The following C8B variants were observed in gnomAD, a reference collection of about 807,000 sequenced individuals.
C8B encodes the protein complement C8 beta chain, also known as complement component C8 beta chain.
A neutral mutation model predicts 64.6 loss-of-function variants in C8B; 67 were observed. The ratio of observed to expected loss-of-function variants is 1.04; its 90% CI spans 0.85 to 1.27. The LOEUF (loss-of-function observed/expected upper bound fraction) is 1.27, where lower values mean the gene tolerates loss of function less well. Ranked by LOEUF, C8B falls within the 50% of genes most tolerant of loss-of-function variation. C8B has a pLI of 0.00. For missense variants in C8B, 790 were observed against 725.2 expected, an observed-to-expected ratio of 1.09 and a Z score of -1.03; for synonymous variants, 284 against 257.7, an observed-to-expected ratio of 1.10 and a Z score of -0.98.
chr1:56,930,294 T>A (rs1180320613), intron 11 of C8B, among the ~76,000 whole-genome samples: 1 of 152,208 alleles, frequency 6.6e-6, no homozygotes, highest in Non-Finnish European at 1.5e-5. Flanking sequence ...CACTTGAGGA[T>A]TTTTGATTGT....
At chr1:56,960,229 A>G (rs1462828758) in intron 1 of C8B, 53 bp from the exon 2 acceptor site, 7 of 1,490,358 alleles carry the variant, frequency 4.7e-6, no homozygotes, top group African/African-American at 1.4e-5. Flanking sequence ...AATTAAGTAT[A>G]CATCCAACCA....
intron 5 of C8B, among the ~76,000 whole-genome samples, chr1:56,950,649 G>T (rs1201811169): frequency 6.6e-6 from 1 of 152,184 alleles, no homozygotes; most frequent in African/African-American, 2.4e-5. Flanking sequence ...CTACAGCATG[G>T]CCACTGAGAT....
chr1:56,940,984 C>T lies in C8B; in HGVS notation c.1263G>A (p.Glu421=), dbSNP rs761722392. The T allele has an allele frequency of 1.9e-6, 3 of 1,614,196 alleles. No homozygotes were observed. The highest frequency in any genetic ancestry group is 2.7e-5 in the African/African-American group (2 of 75,058). ...KDRNKRDTMV[E]DLVVLVRGGA... Reference sequence around the variant, plus strand: ...CTCCTCGTACCAGGACCACCAAGTCCTCCACCATGGTGTCCCTCTTGTTTC... The same window carrying T: ...CTCCTCGTACCAGGACCACCAAGTCTTCCACCATGGTGTCCCTCTTGTTTC... Residue 421 remains glutamate, a synonymous_variant, in exon 9 of 12, where the codon GAG becomes GAA. Transcript: ENST00000371237.
intron 6 of C8B, 33 bp downstream of exon 6, chr1:56,949,522 A>G (rs1230479127): frequency 6.4e-7 from 1 of 1,557,984 alleles, no homozygotes. Flanking sequence ...GTAAGACAAC[A>G]TATACGTTTA....
intron 2 of C8B, chr1:56,959,670 G>A: frequency 1.3e-6 from 2 of 1,500,382 alleles, no homozygotes; most frequent in Non-Finnish European, 1.8e-6. Flanking sequence ...AAGGGTCATG[G>A]GTAGACTGTG....
At position 56,940,925 on chromosome 1, in the gene C8B, T is replaced by C. The variant is rs766613171; in HGVS notation, c.1322A>G (p.Gln441Arg). ...CATCAGGTCCGCCGTCGGCAGCTCC[T>C]GGTATGCCAGGGTGGTGATGTGCTC... is the stretch of plus-strand genomic sequence containing the variant. ...ASEHITTLAY[Q>R]ELPTADLMQE... is the part of the protein sequence containing the mutation. Residue 441 changes from glutamine (Q) to arginine (R), a missense_variant, in exon 9 of 12, where the codon CAG (glutamine) becomes CGG (arginine). Gln to Arg is a conservative substitution (Grantham distance 43). Transcript: ENST00000371237. 10 of 1,614,150 alleles carry C rather than the reference T, an allele frequency of 6.2e-6. No individual in the cohort carries two copies. The highest frequency in any genetic ancestry group is 1.7e-4 in the Middle Eastern group (1 of 6,060).
chr1:56,959,961 A>G, intron 2 of C8B, 59 bp downstream of exon 2: 1 of 1,600,586 alleles, frequency 6.2e-7, no homozygotes, highest in Middle Eastern at 1.7e-4. Flanking sequence ...GGCTCAGCCG[A>G]TCTTGCTGGG....
rs1570413892 is a variant in C8B, at chr1:56,965,931, T to C, written c.18A>G (p.Thr6=). MKNSR[T]WAWRAPVELF... ...GCTCCACCGGCGCCCTCCAAGCCCATGTCCTGGAATTCTTCATTTTCCCAA... is the reference window on the plus strand; with the variant it reads ...GCTCCACCGGCGCCCTCCAAGCCCACGTCCTGGAATTCTTCATTTTCCCAA... The change falls in exon 1 of 12, where the codon ACA becomes ACG. Residue 6 remains threonine (T), a synonymous_variant. Transcript: ENST00000371237. 3 of 1,613,808 alleles carry C rather than the reference T, an allele frequency of 1.9e-6. No homozygotes were observed. The highest frequency in any genetic ancestry group is 4.5e-5 in the East Asian group (2 of 44,844).
intron 7 of C8B, 45 bp from the exon 8 acceptor site, chr1:56,943,869 A>G: frequency 6.2e-7 from 1 of 1,609,382 alleles, no homozygotes; most frequent in Non-Finnish European, 8.5e-7. Context: ...AAGGTAGTTC[A>G]CTCTGTCCCT....
Position 56,945,845 on chromosome 1 carries a change from T to C in C8B, c.1081A>G (p.Asn361Asp). Residue 361 changes from asparagine (N) to aspartate (D), a missense_variant, in exon 7 of 12, where the codon AAC becomes GAC. Coordinates refer to ENST00000371237, the MANE Select transcript of C8B (RefSeq NM_000066.4). ...CCTCCTCTCTCCATGGCCTCTTTGT[T>C]CATAACGAGGGTGTATTCATAAATG... ...GGIYEYTLVM[N>D]KEAMERGDYT... is the part of the protein sequence containing the mutation. 1.2e-6 allele frequency: 2 copies of C among 1,614,098 alleles called. No homozygotes were observed. Among genetic ancestry groups the C allele is most frequent in the South Asian group, 2.2e-5 (2 of 91,068 alleles).
rs571692852 is a variant in C8B, at chr1:56,961,094, T to C, written c.93-918A>G. On this transcript the variant is annotated intron_variant, in intron 1 of 11. Coordinates refer to ENST00000371237, the MANE Select transcript of C8B (RefSeq NM_000066.4). ...AAGGCAATGCTTTTGGTTCATTTCC[T>C]GGAGCACATTGGGTTATGAGTGGAT... is the stretch of plus-strand genomic sequence containing the variant. 3.2e-4 allele frequency among the ~76,000 whole-genome samples: 49 copies of C among 152,328 alleles called. 1 individual carries two copies. In the South Asian group the frequency reaches 4.3e-3, roughly 14 times the overall value.
intron 2 of C8B, among the ~76,000 whole-genome samples, chr1:56,957,540 G>A (rs930695292): frequency 9.9e-5 from 15 of 152,156 alleles, no homozygotes; most frequent in Non-Finnish European, 1.8e-4. Context: ...ATCTCATTAT[G>A]TTGTTGGATG....
In C8B at chr1:56,945,893, T is replaced by G; in HGVS notation, c.1033A>C (p.Ile345Leu). The G allele has an allele frequency of 6.2e-7, 1 of 1,614,104 alleles. No individual in the cohort carries two copies. Among genetic ancestry groups the G allele is most frequent in the Non-Finnish European group, 8.5e-7 (1 of 1,180,014 alleles). Residue 345 changes from isoleucine to leucine, a missense_variant, in exon 7 of 12, where the codon ATC becomes CTC. Ile to Leu is a conservative substitution (Grantham distance 5). Coordinates refer to ENST00000371237, the MANE Select transcript of C8B (RefSeq NM_000066.4). ...DLFRDFGTHYITEAVLGGIYE... is the reference protein window; with the variant it reads ...DLFRDFGTHYLTEAVLGGIYE... ...ATGCCCCCAAGCACAGCCTCTGTGATGTAGTGGGTCCCAAAATCACGGAAG... is the reference window on the plus strand; with the variant it reads ...ATGCCCCCAAGCACAGCCTCTGTGAGGTAGTGGGTCCCAAAATCACGGAAG...
At position 56,965,875 on chromosome 1, in the gene C8B, A is replaced by G; in HGVS notation, c.74T>C (p.Leu25Pro). 1 of 1,614,108 alleles carries G rather than the reference A, an allele frequency of 6.2e-7. No homozygotes were observed. The highest frequency in any genetic ancestry group is 1.7e-4 in the Middle Eastern group (1 of 6,058). The change falls in exon 1 of 12, where the codon CTC becomes CCC. Residue 25 changes from leucine to proline, a missense_variant. Physicochemically the swap from Leu to Pro is moderately conservative, Grantham distance 98. Transcript: ENST00000371237. ...LFLLCAALGC[L>P]SLPGSRGERP... is the part of the protein sequence containing the mutation. Reference sequence around the variant, plus strand: ...CACTTACCTGGAGCCAGGCAAACTGAGACAGCCCAGGGCAGCACAGAGAAG... The same window carrying G: ...CACTTACCTGGAGCCAGGCAAACTGGGACAGCCCAGGGCAGCACAGAGAAG...
intron 1 of C8B, among the ~76,000 whole-genome samples, chr1:56,962,726 C>T (rs1015368548): frequency 1.3e-5 from 2 of 152,198 alleles, no homozygotes; most frequent in African/African-American, 4.8e-5. Flanking sequence ...TTTACAGCAG[C>T]CTCGATTTTG....
intron 1 of C8B, among the ~76,000 whole-genome samples, chr1:56,960,839 G>C (rs1018652932): frequency 6.6e-6 from 1 of 152,186 alleles, no homozygotes; most frequent in Non-Finnish European, 1.5e-5. Flanking sequence ...AATCTTGATG[G>C]GGAAGACTTG....
chr1:56,941,583 GGATA>G (rs1375511777), intron 8 of C8B, among the ~76,000 whole-genome samples: 4 of 152,088 alleles, frequency 2.6e-5, no homozygotes, highest in Non-Finnish European at 4.4e-5. Context: ...ACAGGTAGAT[GGATA>G]GATAGAGAGA....
intron 10 of C8B, 107 bp from the exon 11 acceptor site, chr1:56,931,985 A>G (rs1644708915): frequency 1.3e-6 from 1 of 795,230 alleles, no homozygotes; most frequent in Non-Finnish European, 2.2e-6. Flanking sequence ...AACAGAGCAC[A>G]TATTTAGTTA....
chr1:56,964,092 A>C (rs1645217252), intron 1 of C8B: 1 of 674,202 alleles, frequency 1.5e-6, no homozygotes, highest in South Asian at 6.7e-5. Flanking sequence ...ACATGCGTGA[A>C]TCTTTTCTTG....
Sources: gnomAD v4.1 joint callset for allele counts (sites outside exome capture counted in the v4.1 genomes callset) on GRCh38, gnomAD v4.1.1 for gene constraint, MANE v1.5 for transcripts, NCBI Gene and HGNC (gene_info 2026-07-23, HGNC 2026-07-21) for gene names.